Variants in CCDC112 observed in about 807,000 individuals in gnomAD.
The protein encoded by CCDC112 is coiled-coil domain-containing protein 112.
Under a neutral mutation model 66.3 loss-of-function variants are expected in CCDC112, and 40 were observed. The observed-to-expected ratio is 0.60, with a 90% confidence interval of 0.47 to 0.79. CCDC112 has a LOEUF of 0.79. CCDC112 is among the 30% of genes least tolerant of loss of function. The pLI, the probability that CCDC112 is intolerant of heterozygous loss-of-function variation, is 0.00. For missense variants in CCDC112, 659 were observed against 603.8 expected, an observed-to-expected ratio of 1.09 and a Z score of -0.96; for synonymous variants, 214 against 197.2, an observed-to-expected ratio of 1.09 and a Z score of -0.71.
intron 1 of CCDC112, among the ~76,000 whole-genome samples, chr5:115,292,692 G>T (rs942185842): frequency 6.6e-6 from 1 of 152,196 alleles, no homozygotes; most frequent in Admixed American, 6.5e-5. Context: ...AAAATCTGTA[G>T]TCTTGGTCAG....
chr5:115,294,572 T>C lies in CCDC112; in HGVS notation c.117+1855A>G, dbSNP rs976260247. ...TAGCCACCAAGTCTGTAGCATTTTG[T>C]TATAGAAGCCCTAGCTGACAGGAAC... On this transcript the variant is annotated intron_variant, in intron 1 of 9. Transcript: ENST00000379611. 1.3e-4 allele frequency among the ~76,000 whole-genome samples: 20 copies of C among 152,340 alleles called. 1 individual carries two copies. The highest frequency in any genetic ancestry group is 2.2e-4 in the African/African-American group (9 of 41,574).
chr5:115,269,815 C>G lies in CCDC112; in HGVS notation c.1333-17G>C. On this transcript the variant is annotated splice_polypyrimidine_tract_variant and intron_variant, in intron 7 of 9. Coordinates refer to ENST00000379611, the MANE Select transcript of CCDC112 (RefSeq NM_001040440.3). ...ATGTAAATCCTTAAAAAAAAAAACC[C>G]ATAGCATTAAGAAAGCATGTGAACT... 1 of 1,422,826 alleles carries G rather than the reference C, an allele frequency of 7.0e-7. No homozygotes were observed. The highest frequency in any genetic ancestry group is 9.5e-7 in the Non-Finnish European group (1 of 1,052,188). The allele number at this position is 1,422,826 out of a possible 1,614,324, so 88.1% of individuals were successfully genotyped here.
chr5:115,269,772 A>C lies in CCDC112; in HGVS notation c.1359T>G (p.Ile453Met), dbSNP rs768101643. ...CATCTTCCTTTGCCTGTCTATCTAG[A>C]ATTTTCAGTTCAAGTTTATGTAAAT... ...ERDLHKLELK[I>M]LDRQAKEDEK... Residue 453 changes from isoleucine (I) to methionine (M), a missense_variant, in exon 8 of 10, where the codon ATT becomes ATG. Ile to Met is a conservative substitution (Grantham distance 10). Transcript: ENST00000379611. The C allele has an allele frequency of 4.4e-6, 7 of 1,590,448 alleles. No homozygotes were observed. Among genetic ancestry groups the C allele is most frequent in the African/African-American group, 1.4e-5 (1 of 73,572 alleles).
At position 115,276,947 on chromosome 5, in the gene CCDC112, A is replaced by G; in HGVS notation, c.451+18T>C. On this transcript the variant is annotated intron_variant, in intron 4 of 9. Coordinates refer to ENST00000379611, the MANE Select transcript of CCDC112 (RefSeq NM_001040440.3). Reference sequence around the variant, plus strand: ...ATACTAACACATAAGAAAGATTATAATATCTAAATTTACTTACAATCAGGT... The same window carrying G: ...ATACTAACACATAAGAAAGATTATAGTATCTAAATTTACTTACAATCAGGT... The G allele has an allele frequency of 6.8e-7, 1 of 1,461,054 alleles. No individual in the cohort carries two copies. The highest frequency in any genetic ancestry group is 1.4e-5 in the African/African-American group (1 of 71,508). 90.5% of individuals were successfully genotyped at this position (1,461,054 alleles called of 1,614,324 possible). A position where few individuals can be genotyped will look rare whatever the true frequency, so the allele number is the denominator to read the frequency against.
At chr5:115,271,119 A>G in intron 7 of CCDC112, 94 bp downstream of exon 7, 1 of 1,152,906 alleles carries the variant, frequency 8.7e-7, no homozygotes, top group Non-Finnish European at 1.2e-6. Flanking sequence ...ACACAGGTCC[A>G]ATATACAAAT....
chr5:115,286,944 T>A (rs1327780806), intron 1 of CCDC112, among the ~76,000 whole-genome samples: 1 of 152,138 alleles, frequency 6.6e-6, no homozygotes, highest in African/African-American at 2.4e-5. Flanking sequence ...GGATTGCCCT[T>A]TTATTGTTGA....
At position 115,267,808 on chromosome 5, in the gene CCDC112, A is replaced by C; in HGVS notation, c.*68T>G. ...CTATTGATATTTAAAGAATGTGGTT[A>C]GTCACTCTCTCCCTGGTATAACTTA... On this transcript the variant is annotated 3_prime_UTR_variant, in exon 10 of 10. Transcript: ENST00000379611. The C allele has an allele frequency of 4.8e-5, 53 of 1,106,866 alleles. No homozygotes were observed. The highest frequency in any genetic ancestry group is 7.1e-5 in the Non-Finnish European group (51 of 719,424). 68.6% of individuals were successfully genotyped at this position (1,106,866 alleles called of 1,614,324 possible). A position where few individuals can be genotyped will look rare whatever the true frequency, so the allele number is the denominator to read the frequency against.
At chr5:115,275,959 C>A in intron 5 of CCDC112, 35 bp downstream of exon 5, 1 of 1,405,864 alleles carries the variant, frequency 7.1e-7, no homozygotes, top group South Asian at 1.2e-5. Flanking sequence ...AAATAAAGGT[C>A]AATAATTTTA....
intron 7 of CCDC112, among the ~76,000 whole-genome samples, chr5:115,270,223 T>C (rs1434473505): frequency 6.6e-6 from 1 of 152,138 alleles, no homozygotes. Flanking sequence ...GATTTTTATA[T>C]ATGAACTAAA....
In CCDC112 at chr5:115,267,423, T is replaced by C. The variant is rs1253376525; in HGVS notation, c.*453A>G. On this transcript the variant is annotated 3_prime_UTR_variant, in exon 10 of 10. Coordinates refer to ENST00000379611, the MANE Select transcript of CCDC112 (RefSeq NM_001040440.3). Reference sequence around the variant, plus strand: ...TGACAAACTGCCAATTTGTTAAACATAGAAAAAGTACTAACATTTCGTAAC... The same window carrying C: ...TGACAAACTGCCAATTTGTTAAACACAGAAAAAGTACTAACATTTCGTAAC... The C allele has an allele frequency of 7.0e-5, 11 of 157,286 alleles. No homozygotes were observed. Among genetic ancestry groups the C allele is most frequent in the Non-Finnish European group, 8.4e-5 (6 of 71,822 alleles). 9.7% of individuals were successfully genotyped at this position (157,286 alleles called of 1,614,324 possible).
intron 6 of CCDC112, among the ~76,000 whole-genome samples, chr5:115,274,772 T>G (rs1359816043): frequency 1.3e-5 from 2 of 152,218 alleles, no homozygotes; most frequent in African/African-American, 2.4e-5. Flanking sequence ...TTCTTGAGAC[T>G]AGGTCTCGCT....
rs759929048 is a variant in CCDC112, at chr5:115,284,811, C to A, written c.215G>T (p.Arg72Leu). ...VNQTKKAEFV[R>L]TAEKFKNQVI... ...CTGATTTTTAAATTTTTCTGCTGTG[C>A]GTACAAATTCTGCTTTCTTAGTCTG... The change falls in exon 2 of 10, where the codon CGC (arginine) becomes CTC (leucine). Residue 72 changes from arginine to leucine, a missense_variant. Arg to Leu is a moderately radical substitution (Grantham distance 102). Coordinates refer to ENST00000379611, the MANE Select transcript of CCDC112 (RefSeq NM_001040440.3). 1.4e-5 allele frequency: 23 copies of A among 1,606,708 alleles called. No homozygotes were observed. Among genetic ancestry groups the A allele is most frequent in the Non-Finnish European group, 2.0e-5 (23 of 1,173,720 alleles).
chr5:115,269,055 G>A (rs1217349504), intron 8 of CCDC112, 55 bp from the exon 9 acceptor site: 7 of 966,038 alleles, frequency 7.2e-6, no homozygotes, highest in African/African-American at 3.4e-5. Flanking sequence ...GTTTGTACTA[G>A]TAAATAAGTA....
chr5:115,277,955 G>A (rs1749278998), intron 3 of CCDC112, among the ~76,000 whole-genome samples: 3 of 152,078 alleles, frequency 2.0e-5, no homozygotes, highest in Admixed American at 2.0e-4. Context: ...GTCCTTAAAA[G>A]TAATTATTTT....
At chr5:115,277,711 A>T (rs1000528379) in intron 3 of CCDC112, among the ~76,000 whole-genome samples, 8 of 152,178 alleles carry the variant, frequency 5.3e-5, no homozygotes, top group African/African-American at 1.7e-4. Flanking sequence ...AGTCTCAACG[A>T]TTCTTTCAAA....
chr5:115,288,665 A>T (rs549701117), intron 1 of CCDC112, among the ~76,000 whole-genome samples: 4 of 152,220 alleles, frequency 2.6e-5, no homozygotes, highest in African/African-American at 4.8e-5. Flanking sequence ...CATTTAGTAC[A>T]CTTAGTATTA....
chr5:115,284,961 T>A, intron 1 of CCDC112, 53 bp from the exon 2 acceptor site: 2 of 1,533,044 alleles, frequency 1.3e-6, no homozygotes, highest in Admixed American at 1.8e-5. Context: ...AAGACATAAA[T>A]GTGGAATTTT....
intron 3 of CCDC112, among the ~76,000 whole-genome samples, chr5:115,277,674 C>T (rs1179345938): frequency 6.6e-6 from 1 of 152,016 alleles, no homozygotes; most frequent in African/African-American, 2.4e-5. Context: ...ATATTAGGCC[C>T]ACAATAAAGC....
Position 115,271,258 on chromosome 5 carries a change from T to C in CCDC112, c.1287A>G (p.Glu429=). The C allele has an allele frequency of 6.3e-7, 1 of 1,583,654 alleles. No individual in the cohort carries two copies. The highest frequency in any genetic ancestry group is 1.2e-5 in the South Asian group (1 of 84,544). Residue 429 remains glutamate (E), a synonymous_variant, in exon 7 of 10, where the codon GAA becomes GAG. Coordinates refer to ENST00000379611, the MANE Select transcript of CCDC112 (RefSeq NM_001040440.3). The part of the protein sequence containing the change: ...KEIREKAEKA[E]KRKNAADEIS... ...TTTCATCAGCAGCATTTTTCCTTTT[T>C]TCTGCCTTTTCTGCCTTTTCCCTTA...
Sources: gnomAD v4.1 joint callset for allele counts (sites outside exome capture counted in the v4.1 genomes callset) on GRCh38, gnomAD v4.1.1 for gene constraint, MANE v1.5 for transcripts, NCBI Gene and HGNC (gene_info 2026-07-23, HGNC 2026-07-21) for gene names.